Variants in DCAF11 observed in about 807,000 individuals in gnomAD.
DCAF11 encodes DDB1 and CUL4 associated factor 11.
DCAF11 carries 44 observed loss-of-function variants against 76.1 expected under a neutral mutation model. The observed-to-expected ratio is 0.58, with a 90% CI of 0.45 to 0.74. The LOEUF (loss-of-function observed/expected upper bound fraction) is 0.74. Among genes scored for constraint, DCAF11 ranks in the 30% least tolerant of loss-of-function variants. The pLI is 0.00. For synonymous variants in DCAF11, 258 were observed against 255.0 expected, an observed-to-expected ratio of 1.01 and a Z score of -0.11; for missense variants, 604 against 709.4, an observed-to-expected ratio of 0.85 and a Z score of 1.69.
intron 11 of DCAF11, among the ~76,000 whole-genome samples, chr14:24,120,124 T>C (rs947454546): frequency 6.6e-6 from 1 of 151,968 alleles, no homozygotes; most frequent in African/African-American, 2.4e-5. Flanking sequence ...GGAAGACCGG[T>C]CAGGTACAGC....
In DCAF11 at chr14:24,123,954, A is replaced by T. The variant is rs185438440; in HGVS notation, c.*645A>T. ...CTTCATGCTGGAGGCACACAGCTTT[A>T]AGGAAGTAGGTTGAAGTAGGACTCC... On this transcript the variant is annotated 3_prime_UTR_variant, in exon 15 of 15. Transcript: ENST00000446197. 1 of 152,316 alleles carries T rather than the reference A, an allele frequency of 6.6e-6. No homozygotes were observed. Among genetic ancestry groups the T allele is most frequent in the East Asian group, 1.9e-4 (1 of 5,176 alleles). The allele number at this position is 152,316 out of a possible 1,614,324, so 9.4% of individuals were successfully genotyped here.
intron 13 of DCAF11, among the ~76,000 whole-genome samples, chr14:24,122,685 A>T (rs1038744718): frequency 1.3e-5 from 2 of 152,114 alleles, no homozygotes; most frequent in African/African-American, 4.8e-5. Context: ...TGCCTTCCAT[A>T]TCTTACTAAA....
chr14:24,117,855 C>G lies in DCAF11; in HGVS notation c.476+123C>G, dbSNP rs1265690257. 2 of 1,092,252 alleles carry G rather than the reference C, an allele frequency of 1.8e-6. No individual in the cohort carries two copies. Among genetic ancestry groups the G allele is most frequent in the Admixed American group, 4.8e-5 (2 of 41,396 alleles). 67.7% of individuals were successfully genotyped at this position (1,092,252 alleles called of 1,614,324 possible). A position where few individuals can be genotyped will look rare whatever the true frequency, so the allele number is the denominator to read the frequency against. ...AAGGTTAGGTTAAATGGGGTTGAAA[C>G]TTTGAGAGTAAACAAAGTAGAAAAG... On this transcript the variant is annotated intron_variant, in intron 5 of 14. Coordinates refer to ENST00000446197, the MANE Select transcript of DCAF11 (RefSeq NM_025230.5). The surrounding 1 kb of genome is among the most constrained non-coding windows in gnomAD (Gnocchi z 4.3).
At chr14:24,120,365 G>A (rs1194119677) in intron 11 of DCAF11, among the ~76,000 whole-genome samples, 2 of 152,068 alleles carry the variant, frequency 1.3e-5, no homozygotes, top group East Asian at 3.9e-4. Context: ...GACCATCCTG[G>A]CTAACATGGT....
chr14:24,122,713 A>G (rs1011479916), intron 13 of DCAF11, among the ~76,000 whole-genome samples: 20 of 152,192 alleles, frequency 1.3e-4, no homozygotes, highest in African/African-American at 3.9e-4. Context: ...AAGCCAGTGC[A>G]TTTCCTTAAC....
chr14:24,118,894 AG>A (rs2037636349), intron 8 of DCAF11, 90 bp downstream of exon 8: 5 of 1,455,352 alleles, frequency 3.4e-6, no homozygotes, highest in African/African-American at 1.4e-5. Context: ...AGTTCTGTTT[AG>A]GGGAAAAAGT....
Position 24,115,746 on chromosome 14 carries a change from G to T in DCAF11, c.152G>T (p.Arg51Leu), listed in dbSNP as rs1303909965. The T allele has an allele frequency of 1.9e-6, 3 of 1,612,000 alleles. No homozygotes were observed. Among genetic ancestry groups the T allele is most frequent in the Admixed American group, 1.7e-5 (1 of 59,738 alleles). Residue 51 changes from arginine (R) to leucine (L), a missense_variant, in exon 2 of 15, where the codon CGC (arginine) becomes CTC (leucine). By Grantham distance (102) the Arg-to-Leu change is moderately radical. Coordinates refer to ENST00000446197, the MANE Select transcript of DCAF11 (RefSeq NM_025230.5). ...DLAQVLAYLL[R>L]RGQVRLVQGG... The stretch of plus-strand genomic sequence containing the variant: ...GCCCAGGTACTGGCCTATCTCCTCC[G>T]CAGGTAACTTACCCTCTGGTGTGAC...
rs567221790 is a variant in DCAF11, at chr14:24,123,086, G to A, written c.1506+9G>A. 6.2e-7 allele frequency: 1 copy of A among 1,614,106 alleles called. No homozygotes were observed. Among genetic ancestry groups the A allele is most frequent in the South Asian group, 1.1e-5 (1 of 91,088 alleles). On this transcript the variant is annotated intron_variant, in intron 14 of 14. Coordinates refer to ENST00000446197, the MANE Select transcript of DCAF11 (RefSeq NM_025230.5). ...AGATTGTCAGCAGTTCGGTGAGGTT[G>A]CAAGGGTTGAGGGTGCTGGCACATG...
chr14:24,121,280 C>T, intron 12 of DCAF11, 85 bp from the exon 13 acceptor site: 1 of 1,542,218 alleles, frequency 6.5e-7, no homozygotes, highest in Non-Finnish European at 8.9e-7. Context: ...TGTCTCTGGG[C>T]ATCGAACCTT....
chr14:24,115,171 A>G lies in DCAF11; in HGVS notation c.-336A>G, dbSNP rs1382725385. On this transcript the variant is annotated 5_prime_UTR_variant, in exon 1 of 15. The change abolishes an upstream ATG in the 5' untranslated region. Transcript: ENST00000446197. ...AGTCCTAAGGCTTCTAATTGGTTAG[A>G]TGAGATAAGCTAGTGAAGCGCTTTC... 2 of 247,430 alleles carry G rather than the reference A, an allele frequency of 8.1e-6. No homozygotes were observed. The highest frequency in any genetic ancestry group is 1.3e-4 in the Admixed American group (2 of 15,528). The allele number at this position is 247,430 out of a possible 1,614,324, so 15.3% of individuals were successfully genotyped here. A position where few individuals can be genotyped will look rare whatever the true frequency, so the allele number is the denominator to read the frequency against.
At chr14:24,121,660 G>A in intron 13 of DCAF11, 143 bp downstream of exon 13, 2 of 852,174 alleles carry the variant, frequency 2.3e-6, no homozygotes, top group Non-Finnish European at 3.5e-6. Flanking sequence ...CTTAAACAGA[G>A]AAATAGAAAC....
chr14:24,121,564 C>T, intron 13 of DCAF11, 47 bp downstream of exon 13: 4 of 1,597,746 alleles, frequency 2.5e-6, no homozygotes, highest in Non-Finnish European at 3.4e-6. Flanking sequence ...GCAGGAATGA[C>T]TCCTTGCCAT....
rs1256333309 is a variant in DCAF11 at position 24,115,016 on chromosome 14, A to G, written c.-491A>G. 1.0e-6 allele frequency: 1 copy of G among 985,830 alleles called. No individual in the cohort carries two copies. Among genetic ancestry groups the G allele is most frequent in the African/African-American group, 1.7e-5 (1 of 57,254 alleles). The allele number at this position is 985,830 out of a possible 1,614,324, so 61.1% of individuals were successfully genotyped here. Reference sequence around the variant, plus strand: ...CTCATGGCGTACACACCCCCGGCGCACCACGTGGGCGTGAGGCGAGGAAGG... The same window carrying G: ...CTCATGGCGTACACACCCCCGGCGCGCCACGTGGGCGTGAGGCGAGGAAGG... On this transcript the variant is annotated 5_prime_UTR_variant, in exon 1 of 15. Transcript: ENST00000446197.
chr14:24,116,606 A>G (rs1055191713), intron 2 of DCAF11, among the ~76,000 whole-genome samples: 4 of 152,168 alleles, frequency 2.6e-5, no homozygotes, highest in African/African-American at 9.7e-5. Flanking sequence ...TGGGAGGTCA[A>G]CTTAGTAGGT....
chr14:24,115,413 G>T lies in DCAF11; in HGVS notation c.-182G>T. On this transcript the variant is annotated 5_prime_UTR_variant, in exon 2 of 15. Transcript: ENST00000446197. ...AGAAGGTTTGTGTTCCCGACGCCTT[G>T]GTAGTTGGCATAGGCTAAAGAAAAG... 2 of 755,928 alleles carry T rather than the reference G, an allele frequency of 2.6e-6. No individual in the cohort carries two copies. The highest frequency in any genetic ancestry group is 4.0e-6 in the Non-Finnish European group (2 of 505,560). The allele number at this position is 755,928 out of a possible 1,614,324, so 46.8% of individuals were successfully genotyped here.
Position 24,121,618 on chromosome 14 carries a change from A to C in DCAF11, c.1399+101A>C, listed in dbSNP as rs2037692100. On this transcript the variant is annotated intron_variant, in intron 13 of 14. Coordinates refer to ENST00000446197, the MANE Select transcript of DCAF11 (RefSeq NM_025230.5). ...TGACCACCTTAAAAAGCCCAGTGACAGCTACAGGTAAAATCAAACTTAGCT... is the reference window on the plus strand; with the variant it reads ...TGACCACCTTAAAAAGCCCAGTGACCGCTACAGGTAAAATCAAACTTAGCT... 5 of 1,348,828 alleles carry C rather than the reference A, an allele frequency of 3.7e-6. No homozygotes were observed. The Admixed American group carries it at 1.2e-4, about 33-fold the overall frequency. The allele number at this position is 1,348,828 out of a possible 1,614,324, so 83.6% of individuals were successfully genotyped here. A position where few individuals can be genotyped will look rare whatever the true frequency, so the allele number is the denominator to read the frequency against.
In DCAF11 at chr14:24,117,084, GA is replaced by G; in HGVS notation, c.283+44del. 6.2e-7 allele frequency: 1 copy of G among 1,613,714 alleles called. No individual in the cohort carries two copies. Among genetic ancestry groups the G allele is most frequent in the South Asian group, 1.1e-5 (1 of 91,026 alleles). The stretch of plus-strand genomic sequence containing the variant: ...CCCTAATGTTGGAAGACTTTTACTA[GA>G]AAACCTTTTAGTGATATTTTGAATG... On this transcript the variant is annotated intron_variant, in intron 3 of 14. Coordinates refer to ENST00000446197, the MANE Select transcript of DCAF11 (RefSeq NM_025230.5). This position sits in a 1 kb window ranked among gnomAD's most constrained non-coding sequence, Gnocchi z 4.3.
intron 12 of DCAF11, 65 bp downstream of exon 12, chr14:24,121,056 C>T: frequency 6.9e-6 from 11 of 1,586,506 alleles, no homozygotes; most frequent in East Asian, 4.5e-5. Flanking sequence ...GGACCTCCCC[C>T]TCAGCCCTCT....
In DCAF11 at chr14:24,117,280, G is replaced by A. The variant is rs1357075749; in HGVS notation, c.298G>A (p.Asp100Asn). Residue 100 changes from aspartate to asparagine, a missense_variant, in exon 4 of 15, where the codon GAC becomes AAC. Asp to Asn is a conservative substitution (Grantham distance 23). Transcript: ENST00000446197. This position sits in a 1 kb window ranked among gnomAD's most constrained non-coding sequence, Gnocchi z 4.3. Reference sequence around the variant, plus strand: ...GGTACTCACAGTGGATGCTACCCCTGACACCCGGGAGCTGGAATTCAATGA... The same window carrying A: ...GGTACTCACAGTGGATGCTACCCCTAACACCCGGGAGCTGGAATTCAATGA... Reference protein sequence around the residue: ...RYNPPVDATPDTRELEFNEIK... With the variant: ...RYNPPVDATPNTRELEFNEIK... 2 of 1,614,066 alleles carry A rather than the reference G, an allele frequency of 1.2e-6. No homozygotes were observed. Among genetic ancestry groups the A allele is most frequent in the Admixed American group, 3.3e-5 (2 of 60,002 alleles).
Sources: gnomAD v4.1 joint callset for allele counts (sites outside exome capture counted in the v4.1 genomes callset) on GRCh38, gnomAD v4.1.1 for gene constraint, Gnocchi (gnomAD v3.1) non-coding constraint, MANE v1.5 for transcripts, NCBI Gene and HGNC (gene_info 2026-07-23, HGNC 2026-07-21) for gene names.